The following ZNF347 variants were observed in gnomAD, a reference collection of about 807,000 sequenced individuals.
ZNF347 encodes the protein zinc finger protein 347.
A neutral mutation model predicts 12.9 loss-of-function variants in ZNF347; 19 were observed. The observed-to-expected ratio is 1.47, with a 90% confidence interval of 1.03 to 2.16. The LOEUF (loss-of-function observed/expected upper bound fraction) is 2.16. ZNF347 is among the 30% of genes most tolerant of loss of function. The pLI, the probability that ZNF347 is intolerant of heterozygous loss-of-function variation, is 0.00. For synonymous variants in ZNF347, 328 were observed against 340.6 expected (o/e 0.96, Z 0.41); for missense variants, 1,005 against 990.6 (o/e 1.01, Z -0.19).
In ZNF347 at chr19:53,141,738, G is replaced by T. The variant is rs140483574; in HGVS notation, c.1090C>A (p.Arg364=). ...GGTTTCTCTCCAGTATGAATTCCTC[G>T]ATGTCTTACAAGGTGTGAATTCTGA... ...FTQNSHLVRH[R]GIHTGEKPYK... is the part of the protein sequence containing the mutation. The change falls in exon 5 of 5, where the codon CGA becomes AGA. Residue 364 remains arginine, a synonymous_variant. Transcript: ENST00000334197. 1.2e-6 allele frequency: 2 copies of T among 1,613,624 alleles called. No homozygotes were observed. Among genetic ancestry groups the T allele is most frequent in the Non-Finnish European group, 1.7e-6 (2 of 1,179,840 alleles).
chr19:53,141,390 T>G lies in ZNF347; in HGVS notation c.1438A>C (p.Thr480Pro), dbSNP rs1458982973. Residue 480 changes from threonine (T) to proline (P), a missense_variant, in exon 5 of 5, where the codon ACT becomes CCT. Coordinates refer to ENST00000334197, the MANE Select transcript of ZNF347 (RefSeq NM_032584.3). ...SHLARHQLIH[T>P]GEKPYKCNEC... is the part of the protein sequence containing the mutation. The stretch of plus-strand genomic sequence containing the variant: ...TTACACTTATAAGGTTTCTCTCCAG[T>G]ATGAATTAGCTGATGCCTTGCAAGG... The G allele has an allele frequency of 5.0e-6, 8 of 1,613,950 alleles. No homozygotes were observed. Among genetic ancestry groups the G allele is most frequent in the Non-Finnish European group, 6.8e-6 (8 of 1,179,972 alleles).
Position 53,140,889 on chromosome 19 carries a change from G to C in ZNF347, c.1939C>G (p.His647Asp). ...HSNLTTHQVIHTGEKPYKCNE... is the reference protein window; with the variant it reads ...HSNLTTHQVIDTGEKPYKCNE... Reference sequence around the variant, plus strand: ...CATTTGTAAGGTTTTTCACCAGTATGGATGACCTGATGGGTAGTTAGGTTT... The same window carrying C: ...CATTTGTAAGGTTTTTCACCAGTATCGATGACCTGATGGGTAGTTAGGTTT... Residue 647 changes from histidine (H) to aspartate (D), a missense_variant, in exon 5 of 5, where the codon CAT (histidine) becomes GAT (aspartate). Transcript: ENST00000334197. 6.2e-7 allele frequency: 1 copy of C among 1,613,636 alleles called. No homozygotes were observed. The highest frequency in any genetic ancestry group is 8.5e-7 in the Non-Finnish European group (1 of 1,179,862).
rs967636677 is a variant in ZNF347, at chr19:53,139,106, T to C, written c.*1202A>G. 6.6e-6 allele frequency: 1 copy of C among 152,196 alleles called. No individual in the cohort carries two copies. The highest frequency in any genetic ancestry group is 1.5e-5 in the Non-Finnish European group (1 of 68,042). The allele number at this position is 152,196 out of a possible 1,614,324, so 9.4% of individuals were successfully genotyped here. Reference sequence around the variant, plus strand: ...CTATTCCCATCACATAATCAGTCACTAATAACTTATTACTCTCCTCTCATA... The same window carrying C: ...CTATTCCCATCACATAATCAGTCACCAATAACTTATTACTCTCCTCTCATA... On this transcript the variant is annotated 3_prime_UTR_variant, in exon 5 of 5. Transcript: ENST00000334197.
At chr19:53,155,294 CTGTGTGTG>C (rs61275588) in intron 1 of ZNF347, among the ~76,000 whole-genome samples, 11,536 of 141,854 alleles carry the variant, frequency 0.081, 515 homozygotes, top group African/African-American at 0.11. Flanking sequence ...AGACTTTATT[CTGTGTGTG>C]TGTGTGTGTG....
At position 53,153,539 on chromosome 19, in the gene ZNF347, T is replaced by C. The variant is rs142776161; in HGVS notation, c.15+194A>G. On this transcript the variant is annotated intron_variant, in intron 2 of 4. Coordinates refer to ENST00000334197, the MANE Select transcript of ZNF347 (RefSeq NM_032584.3). ...CCAGGACCATGCCCAGTGCAGCCTC[T>C]TCCCAAGCTCATGTCACTGGGTCAC... Among the ~76,000 whole-genome samples, 913 of 152,224 alleles carry C rather than the reference T, an allele frequency of 6.0e-3. 10 individuals are homozygous for C. Among genetic ancestry groups the C allele is most frequent in the African/African-American group, 0.018 (744 of 41,540 alleles).
chr19:53,142,279 C>A lies in ZNF347; in HGVS notation c.549G>T (p.Gln183His), dbSNP rs189831039. ...GATGTGACTGAAGGCTTAATCCAAGCTGATTTTTAATAAGCTTGTTTCTTG... is the reference window on the plus strand; with the variant it reads ...GATGTGACTGAAGGCTTAATCCAAGATGATTTTTAATAAGCTTGTTTCTTG... ...RDARNKLIKNQLGLSLQSHLP... is the reference protein window; with the variant it reads ...RDARNKLIKNHLGLSLQSHLP... Residue 183 changes from glutamine (Q) to histidine (H), a missense_variant, in exon 5 of 5, where the codon CAG becomes CAT. Physicochemically the swap from Gln to His is conservative, Grantham distance 24 (BLOSUM62 0). Coordinates refer to ENST00000334197, the MANE Select transcript of ZNF347 (RefSeq NM_032584.3). The A allele has an allele frequency of 1.2e-6, 2 of 1,613,704 alleles. No homozygotes were observed. Among genetic ancestry groups the A allele is most frequent in the Admixed American group, 1.7e-5 (1 of 59,950 alleles).
At position 53,142,557 on chromosome 19, in the gene ZNF347, C is replaced by T; in HGVS notation, c.272-1G>A. Reference sequence around the variant, plus strand: ...TTCATTACAAATTCGGAAGAGAGAGCTACAAGATATAAAGATCCATAGGTT... The same window carrying T: ...TTCATTACAAATTCGGAAGAGAGAGTTACAAGATATAAAGATCCATAGGTT... On this transcript the variant is annotated splice_acceptor_variant, in intron 4 of 4. Transcript: ENST00000334197. LOFTEE classifies it high-confidence loss of function. 2.6e-6 allele frequency: 4 copies of T among 1,565,784 alleles called. No homozygotes were observed. Among genetic ancestry groups the T allele is most frequent in the Non-Finnish European group, 3.5e-6 (4 of 1,158,272 alleles).
Position 53,140,618 on chromosome 19 carries a change from T to G in ZNF347, c.2210A>C (p.Tyr737Ser), listed in dbSNP as rs1267322551. 1 of 1,613,790 alleles carries G rather than the reference T, an allele frequency of 6.2e-7. No homozygotes were observed. Among genetic ancestry groups the G allele is most frequent in the South Asian group, 1.1e-5 (1 of 91,058 alleles). ...GACCTTCCCACACTCATTGCATTTG[T>G]AAGGTTTTTTTCCAGTATGGATTGC... is the stretch of plus-strand genomic sequence containing the variant. ...HQAIHTGKKP[Y>S]KCNECGKVFT... Residue 737 changes from tyrosine (Y) to serine (S), a missense_variant, in exon 5 of 5, where the codon TAC becomes TCC. Tyr to Ser is a moderately radical substitution (Grantham distance 144). Coordinates refer to ENST00000334197, the MANE Select transcript of ZNF347 (RefSeq NM_032584.3).
In ZNF347 at chr19:53,135,458, C is replaced by T. The variant is rs990321242; in HGVS notation, c.*4850G>A. The T allele has an allele frequency of 6.6e-6, 1 of 151,524 alleles. No homozygotes were observed. The highest frequency in any genetic ancestry group is 2.4e-5 in the African/African-American group (1 of 41,170). 9.4% of individuals were successfully genotyped at this position (151,524 alleles called of 1,614,324 possible). ...TGGGAACTCGGCTAACTGCAACATC[C>T]GCCTCCCAGGCTCAAGCAATTCTCC... On this transcript the variant is annotated 3_prime_UTR_variant, in exon 5 of 5. Coordinates refer to ENST00000334197, the MANE Select transcript of ZNF347 (RefSeq NM_032584.3).
chr19:53,137,950 C>T lies in ZNF347; in HGVS notation c.*2358G>A, dbSNP rs2090396173. The T allele has an allele frequency of 6.6e-6, 1 of 151,952 alleles. No individual in the cohort carries two copies. Among genetic ancestry groups the T allele is most frequent in the Non-Finnish European group, 1.5e-5 (1 of 68,008 alleles). 9.4% of individuals were successfully genotyped at this position (151,952 alleles called of 1,614,324 possible). A position where few individuals can be genotyped will look rare whatever the true frequency, so the allele number is the denominator to read the frequency against. On this transcript the variant is annotated 3_prime_UTR_variant, in exon 5 of 5. Coordinates refer to ENST00000334197, the MANE Select transcript of ZNF347 (RefSeq NM_032584.3). ...AGTAGCTGGGATTACAGGCGCATGC[C>T]ACCACATCCAACCAATATATATATA... is the stretch of plus-strand genomic sequence containing the variant.
At position 53,141,713 on chromosome 19, in the gene ZNF347, G is replaced by T. The variant is rs759078440; in HGVS notation, c.1115C>A (p.Pro372His). 9 of 1,613,840 alleles carry T rather than the reference G, an allele frequency of 5.6e-6. No individual in the cohort carries two copies. In the African/African-American group the frequency reaches 1.2e-4, roughly 22 times the overall value. ...RHRGIHTGEK[P>H]YKCNECGKAF... The stretch of plus-strand genomic sequence containing the variant: ...TTTCCCACACTCATTACACTTGTAA[G>T]GTTTCTCTCCAGTATGAATTCCTCG... Residue 372 changes from proline to histidine, a missense_variant, in exon 5 of 5, where the codon CCT becomes CAT. Pro to His is a moderately conservative substitution (Grantham distance 77, BLOSUM62 -2). Transcript: ENST00000334197.
At chr19:53,158,492 C>T (rs996392165) in intron 1 of ZNF347, among the ~76,000 whole-genome samples, 5 of 152,012 alleles carry the variant, frequency 3.3e-5, no homozygotes, top group Non-Finnish European at 5.9e-5. Flanking sequence ...GGGAGGAAGA[C>T]GCGAAAGGCC....
chr19:53,148,937 G>C, intron 3 of ZNF347, 128 bp from the exon 4 acceptor site: 1 of 1,299,856 alleles, frequency 7.7e-7, no homozygotes, highest in Non-Finnish European at 1.0e-6. Context: ...TCCACTAAAT[G>C]CTTCTTTATA....
chr19:53,145,981 T>A (rs529706772), intron 4 of ZNF347, among the ~76,000 whole-genome samples: 164 of 149,198 alleles, frequency 1.1e-3, no homozygotes, highest in African/African-American at 3.9e-3. Context: ...AAAAAAAAAT[T>A]TTTTTTTTTT....
chr19:53,156,001 G>A (rs1261574687), intron 1 of ZNF347, among the ~76,000 whole-genome samples: 1 of 128,368 alleles, frequency 7.8e-6, no homozygotes, highest in Non-Finnish European at 1.6e-5. Flanking sequence ...TGTGTGTGTG[G>A]CTTTTCCCAC....
At chr19:53,156,045 C>CGGCGGG in intron 1 of ZNF347, among the ~76,000 whole-genome samples, 1 of 17,044 alleles carries the variant, frequency 5.9e-5, no homozygotes, top group African/African-American at 2.3e-4. Flanking sequence ...ACTCCCAGCT[C>CGGCGGG]GGGGGGGGGG....
In ZNF347 at chr19:53,139,884, T is replaced by C. The variant is rs2090408650; in HGVS notation, c.*424A>G. ...ATTAATACTTGAACTCATGAGGAGT[T>C]TGCCACAGTCATTGCATTTTTTTTT... On this transcript the variant is annotated 3_prime_UTR_variant, in exon 5 of 5. Transcript: ENST00000334197. The C allele has an allele frequency of 6.1e-6, 1 of 164,942 alleles. No individual in the cohort carries two copies. The highest frequency in any genetic ancestry group is 5.6e-5 in the Admixed American group (1 of 18,004). 10.2% of individuals were successfully genotyped at this position (164,942 alleles called of 1,614,324 possible). A position where few individuals can be genotyped will look rare whatever the true frequency, so the allele number is the denominator to read the frequency against.
Position 53,138,279 on chromosome 19 carries a change from G to T in ZNF347, c.*2029C>A, listed in dbSNP as rs1262081477. On this transcript the variant is annotated 3_prime_UTR_variant, in exon 5 of 5. Coordinates refer to ENST00000334197, the MANE Select transcript of ZNF347 (RefSeq NM_032584.3). ...TACAGGCATGAGCCACCCTGCCTGG[G>T]TAATATTTCTATTTTTTTTGTAGAG... The T allele has an allele frequency of 6.6e-6, 1 of 151,970 alleles. No individual in the cohort carries two copies. The highest frequency in any genetic ancestry group is 2.4e-5 in the African/African-American group (1 of 41,348). 9.4% of individuals were successfully genotyped at this position (151,970 alleles called of 1,614,324 possible). A position where few individuals can be genotyped will look rare whatever the true frequency, so the allele number is the denominator to read the frequency against.
intron 1 of ZNF347, among the ~76,000 whole-genome samples, chr19:53,155,587 G>A (rs887476392): frequency 6.6e-6 from 1 of 151,994 alleles, no homozygotes; most frequent in Non-Finnish European, 1.5e-5. Flanking sequence ...CTCCCACCTT[G>A]GCCTCTGAAA....
Sources: gnomAD v4.1 joint callset for allele counts (sites outside exome capture counted in the v4.1 genomes callset) on GRCh38, gnomAD v4.1.1 for gene constraint, MANE v1.5 for transcripts, NCBI Gene and HGNC (gene_info 2026-07-23, HGNC 2026-07-21) for gene names.